The following GALNT10 variants were observed in gnomAD, a reference collection of about 807,000 sequenced individuals.
GALNT10 encodes the protein GalNAc transferase 10.
Under a neutral mutation model 75.0 loss-of-function variants are expected in GALNT10, and 41 were observed. The ratio of observed to expected loss-of-function variants is 0.55; its 90% CI spans 0.43 to 0.71. The LOEUF (loss-of-function observed/expected upper bound fraction) is 0.71, where lower values mean the gene tolerates loss of function less well. Ranked by LOEUF, GALNT10 falls within the 30% of genes least tolerant of loss-of-function variation. The pLI is 0.00. For synonymous variants in GALNT10, 302 were observed against 313.0 expected (o/e 0.96, Z 0.37); for missense variants, 727 against 818.5 (o/e 0.89, Z 1.36).
In GALNT10 at chr5:154,409,598, C is replaced by T. The variant is rs1315029260; in HGVS notation, c.1222C>T (p.Arg408Cys). 8.1e-6 allele frequency: 13 copies of T among 1,613,956 alleles called. No individual in the cohort carries two copies. Among genetic ancestry groups the T allele is most frequent in the Non-Finnish European group, 1.0e-5 (12 of 1,179,840 alleles). ...MDEYAEYIYQRRPEYRHLSAG... is the reference protein window; with the variant it reads ...MDEYAEYIYQCRPEYRHLSAG... ...TGAGTACGCAGAGTACATTTACCAG[C>T]GCCGGCCTGAATACCGCCACCTCTC... The change falls in exon 9 of 12, where the codon CGC (arginine) becomes TGC (cysteine). Residue 408 changes from arginine (R) to cysteine (C), a missense_variant. Coordinates refer to ENST00000297107, the MANE Select transcript of GALNT10 (RefSeq NM_198321.4). The surrounding 1 kb of genome is among the most constrained non-coding windows in gnomAD (Gnocchi z 4.5).
chr5:154,243,854 A>G (rs898002531), intron 1 of GALNT10, among the ~76,000 whole-genome samples: 6 of 152,230 alleles, frequency 3.9e-5, no homozygotes, highest in Non-Finnish European at 8.8e-5. Flanking sequence ...GACAGATATT[A>G]TAAATTGGTC....
rs1221922860 is a variant in GALNT10 at position 154,197,680 on chromosome 5, AAAG to A, written c.159+6658_159+6660del. Among the ~76,000 whole-genome samples, 7 of 152,348 alleles carry A rather than the reference AAAG, an allele frequency of 4.6e-5. No individual in the cohort carries two copies. The East Asian group carries it at 1.3e-3, about 29-fold the overall frequency. On this transcript the variant is annotated intron_variant, in intron 1 of 11. Coordinates refer to ENST00000297107, the MANE Select transcript of GALNT10 (RefSeq NM_198321.4). ...CCACAGCATAAAATGATACTGATCC[AAAG>A]AATGATGATGATATGGCTGATAATG...
At chr5:154,197,545 G>C (rs910401000) in intron 1 of GALNT10, among the ~76,000 whole-genome samples, 1 of 152,094 alleles carries the variant, frequency 6.6e-6, no homozygotes, top group African/African-American at 2.4e-5. Context: ...GCTGAGTGTA[G>C]ATAGGAGAGA....
rs1754811467 is a variant in GALNT10 at position 154,329,600 on chromosome 5, C to T, written c.430C>T (p.Leu144Phe). ...NCNSKRYLETLPNTSIIIPFH... is the reference protein window; with the variant it reads ...NCNSKRYLETFPNTSIIIPFH... ...CAACAGCAAGCGCTACCTGGAGACACTTCCCAACACAAGCATCATCATCCC... is the reference window on the plus strand; with the variant it reads ...CAACAGCAAGCGCTACCTGGAGACATTTCCCAACACAAGCATCATCATCCC... Residue 144 changes from leucine to phenylalanine, a missense_variant, in exon 4 of 12, where the codon CTT becomes TTT. Transcript: ENST00000297107. 6.2e-7 allele frequency: 1 copy of T among 1,614,022 alleles called. No individual in the cohort carries two copies. The highest frequency in any genetic ancestry group is 8.5e-7 in the Non-Finnish European group (1 of 1,179,898).
At chr5:154,236,396 T>C (rs1189760953) in intron 1 of GALNT10, among the ~76,000 whole-genome samples, 1 of 152,230 alleles carries the variant, frequency 6.6e-6, no homozygotes, top group African/African-American at 2.4e-5. Context: ...AATGTATCCA[T>C]CTTTAAATGA....
chr5:154,293,613 A>ATTTTTTTTTTTTTTTTTTTTTT (rs1201863629), intron 1 of GALNT10, among the ~76,000 whole-genome samples: 43 of 109,356 alleles, frequency 3.9e-4, no homozygotes, highest in Non-Finnish European at 6.3e-4. Flanking sequence ...ATATATATAT[A>ATTTTTTTTTTTTTTTTTTTTTT]TTTTTTTTTT....
chr5:154,384,286 G>T (rs537732787), intron 6 of GALNT10, among the ~76,000 whole-genome samples: 69 of 152,186 alleles, frequency 4.5e-4, no homozygotes, highest in Non-Finnish European at 7.4e-4. Context: ...TGGGGAATAG[G>T]GCTCAAAGAG....
Position 154,380,579 on chromosome 5 carries a change from C to T in GALNT10, c.886C>T (p.Arg296Trp), listed in dbSNP as rs2161344. The T allele has an allele frequency of 1.5e-5, 24 of 1,613,698 alleles. No individual in the cohort carries two copies. Among genetic ancestry groups the T allele is most frequent in the Non-Finnish European group, 2.0e-5 (24 of 1,179,798 alleles). ...GAFDWEMYYK[R>W]IPIPPELQKA... ...CTTTGACTGGGAGATGTACTACAAG[C>T]GGATCCCGATCCCTCCAGAACTGCA... is the stretch of plus-strand genomic sequence containing the variant. The change falls in exon 6 of 12, where the codon CGG (arginine) becomes TGG (tryptophan). Residue 296 changes from arginine (R) to tryptophan (W), a missense_variant. Transcript: ENST00000297107.
chr5:154,391,500 G>A (rs995519565), intron 7 of GALNT10, among the ~76,000 whole-genome samples: 1 of 152,156 alleles, frequency 6.6e-6, no homozygotes. Flanking sequence ...AAGTTCTCAC[G>A]TGGAAGTCAG....
intron 1 of GALNT10, among the ~76,000 whole-genome samples, chr5:154,199,540 C>G (rs1416973574): frequency 6.6e-6 from 1 of 152,152 alleles, no homozygotes; most frequent in Non-Finnish European, 1.5e-5. Flanking sequence ...GGGAGGTGCA[C>G]TTTGGAATCC....
chr5:154,219,826 T>A (rs1224960989), intron 1 of GALNT10, among the ~76,000 whole-genome samples: 2 of 78,218 alleles, frequency 2.6e-5, no homozygotes, highest in Admixed American at 4.0e-4. Context: ...TCTCTCTCTC[T>A]CTCTCTCTCT....
chr5:154,291,795 C>G (rs1030879223), intron 1 of GALNT10, among the ~76,000 whole-genome samples: 6 of 152,098 alleles, frequency 3.9e-5, no homozygotes, highest in Non-Finnish European at 7.4e-5. Context: ...TCCTGAATAT[C>G]CCAGCATGTT....
Position 154,316,186 on chromosome 5 carries a change from C to T in GALNT10, c.402-13386C>T, listed in dbSNP as rs948927911. 5.9e-5 allele frequency among the ~76,000 whole-genome samples: 9 copies of T among 152,230 alleles called. No homozygotes were observed. In the South Asian group the frequency reaches 8.3e-4, roughly 14 times the overall value. ...GCCCCCCATGGACTTGCCAAGCCAA[C>T]AGGCACCACTTGGAACATAACAGCA... On this transcript the variant is annotated intron_variant, in intron 3 of 11. Coordinates refer to ENST00000297107, the MANE Select transcript of GALNT10 (RefSeq NM_198321.4).
intron 4 of GALNT10, among the ~76,000 whole-genome samples, chr5:154,345,628 C>CT (rs751597207): frequency 0.033 from 3,910 of 118,492 alleles, 160 homozygotes; most frequent in African/African-American, 0.086. Context: ...AAATTTCCAC[C>CT]TTTTTTTTTT....
chr5:154,267,113 CTATT>C (rs1242218238), intron 1 of GALNT10, among the ~76,000 whole-genome samples: 12 of 152,078 alleles, frequency 7.9e-5, no homozygotes, highest in Non-Finnish European at 1.3e-4. Context: ...ATGACCCAAA[CTATT>C]TAGAGAAGAC....
chr5:154,259,526 A>G (rs568021727), intron 1 of GALNT10, among the ~76,000 whole-genome samples: 2 of 152,286 alleles, frequency 1.3e-5, no homozygotes, highest in Admixed American at 6.5e-5. Context: ...TGCAGGAACT[A>G]TTTCTTCAAA....
chr5:154,376,540 C>G lies in GALNT10; in HGVS notation c.754+78C>G. 1.9e-6 allele frequency: 2 copies of G among 1,051,910 alleles called. No homozygotes were observed. Among genetic ancestry groups the G allele is most frequent in the Non-Finnish European group, 2.8e-6 (2 of 725,246 alleles). 65.2% of individuals were successfully genotyped at this position (1,051,910 alleles called of 1,614,324 possible). A position where few individuals can be genotyped will look rare whatever the true frequency, so the allele number is the denominator to read the frequency against. The stretch of plus-strand genomic sequence containing the variant: ...AGTGGCCCCCTCCTGCTGCAGGGAG[C>G]CATCCATAAGCCTTCCCTTGCCTGT... On this transcript the variant is annotated intron_variant, in intron 5 of 11. Transcript: ENST00000297107. This position sits in a 1 kb window ranked among gnomAD's most constrained non-coding sequence, Gnocchi z 4.1.
chr5:154,319,282 A>G (rs766346610), intron 3 of GALNT10, among the ~76,000 whole-genome samples: 9 of 152,238 alleles, frequency 5.9e-5, no homozygotes, highest in Non-Finnish European at 1.3e-4. Flanking sequence ...GCAGAGGAGA[A>G]CACAGAGAGG....
At position 154,417,045 on chromosome 5, in the gene GALNT10, G is replaced by A; in HGVS notation, c.*73G>A. 7.4e-7 allele frequency: 1 copy of A among 1,355,360 alleles called. No homozygotes were observed. Among genetic ancestry groups the A allele is most frequent in the Non-Finnish European group, 1.0e-6 (1 of 958,258 alleles). The allele number at this position is 1,355,360 out of a possible 1,614,324, so 84.0% of individuals were successfully genotyped here. On this transcript the variant is annotated 3_prime_UTR_variant, in exon 12 of 12. Transcript: ENST00000297107. ...AGACTTCCTCTTTCAAGGGAGGCAG[G>A]GCCCCTGTGGGCACTAGGTGTAAAA... is the stretch of plus-strand genomic sequence containing the variant.
Sources: allele counts gnomAD v4.1 joint callset (sites outside exome capture counted in the v4.1 genomes callset), GRCh38; gene constraint gnomAD v4.1.1; non-coding constraint Gnocchi (gnomAD v3.1); transcripts MANE v1.5; gene names NCBI Gene and HGNC (gene_info 2026-07-23, HGNC 2026-07-21).